KIAA1217: variants seen among roughly 807,000 people sequenced by gnomAD.
The protein encoded by KIAA1217 is KIAA1217, also known as sickle tail protein homolog.
In KIAA1217, 88 loss-of-function variants were observed where a neutral mutation model predicts 163.9. That is an observed-to-expected ratio of 0.54 (90% confidence interval 0.45 to 0.64). KIAA1217 has a LOEUF of 0.64. KIAA1217 is among the 30% of genes least tolerant of loss of function. The pLI, the probability that KIAA1217 is intolerant of heterozygous loss-of-function variation, is 0.00. For synonymous variants in KIAA1217, 903 were observed against 923.1 expected, an observed-to-expected ratio of 0.98 and a Z score of 0.39; for missense variants, 2,372 against 2,475.0, an observed-to-expected ratio of 0.96 and a Z score of 0.88.
chr10:24,399,558 C>T (rs1457068743), intron 3 of KIAA1217, among the ~76,000 whole-genome samples: 1 of 152,142 alleles, frequency 6.6e-6, no homozygotes, highest in Non-Finnish European at 1.5e-5. Context: ...TATCTTAGAT[C>T]CCATCTCTAA....
At chr10:24,234,656 CAAAAAAAAAAAA>C (rs71397938) in intron 2 of KIAA1217, among the ~76,000 whole-genome samples, 10 of 73,386 alleles carry the variant, frequency 1.4e-4, no homozygotes, top group African/African-American at 3.6e-4. Context: ...AAAACTGTCT[CAAAAAAAAAAAA>C]AAAAAAAAAA....
At chr10:23,975,818 G>C (rs949331069) in intron 1 of KIAA1217, among the ~76,000 whole-genome samples, 1 of 152,012 alleles carries the variant, frequency 6.6e-6, no homozygotes, top group African/African-American at 2.4e-5. Flanking sequence ...TGTTACAATG[G>C]ACCCCATGTG....
At chr10:24,482,503 G>C (rs564874954) in intron 6 of KIAA1217, 1 of 152,204 alleles carries the variant, frequency 6.6e-6, no homozygotes, top group South Asian at 2.1e-4. Context: ...AAGATGGATC[G>C]TCAAAATAGC....
intron 2 of KIAA1217, among the ~76,000 whole-genome samples, chr10:24,220,267 C>A (rs767057868): frequency 6.6e-6 from 1 of 152,124 alleles, no homozygotes; most frequent in Admixed American, 6.6e-5. Flanking sequence ...AAGCATGGCA[C>A]CAACTACCGT....
intron 2 of KIAA1217, among the ~76,000 whole-genome samples, chr10:24,146,444 A>G (rs2064316138): frequency 6.6e-6 from 1 of 152,230 alleles, no homozygotes; most frequent in East Asian, 1.9e-4. Flanking sequence ...CAATTTAATT[A>G]TCATCAAGCA....
chr10:24,480,462 G>T (rs879268166), intron 6 of KIAA1217, among the ~76,000 whole-genome samples: 1 of 152,130 alleles, frequency 6.6e-6, no homozygotes, highest in Non-Finnish European at 1.5e-5. Flanking sequence ...AGAGTGCCTG[G>T]GTTCAAATCC....
chr10:23,916,902 T>G (rs1056186126), intron 1 of KIAA1217, among the ~76,000 whole-genome samples: 1 of 146,130 alleles, frequency 6.8e-6, no homozygotes. Flanking sequence ...AAACAGGGAG[T>G]TGGAGGTTGC....
chr10:23,891,450 C>A (rs1027307204), intron 1 of KIAA1217, among the ~76,000 whole-genome samples: 1 of 151,908 alleles, frequency 6.6e-6, no homozygotes, highest in African/African-American at 2.4e-5. Flanking sequence ...GACACTCTGG[C>A]AGCTCTCTTG....
intron 1 of KIAA1217, among the ~76,000 whole-genome samples, chr10:23,775,637 G>T (rs1173461713): frequency 6.6e-6 from 1 of 152,144 alleles, no homozygotes; most frequent in Non-Finnish European, 1.5e-5. Context: ...TTATCCCTTT[G>T]TCTAAATTGA....
At chr10:24,261,044 A>G (rs1042557114) in intron 2 of KIAA1217, among the ~76,000 whole-genome samples, 1 of 152,208 alleles carries the variant, frequency 6.6e-6, no homozygotes, top group Non-Finnish European at 1.5e-5. Flanking sequence ...CTGAATGTCA[A>G]TTCTAGGTAA....
At chr10:24,162,576 T>A (rs1346128501) in intron 2 of KIAA1217, among the ~76,000 whole-genome samples, 1 of 152,238 alleles carries the variant, frequency 6.6e-6, no homozygotes, top group East Asian at 1.9e-4. Flanking sequence ...GTACCTGGGA[T>A]GATTTCAAGG....
At chr10:23,895,187 C>G (rs770047794) in intron 1 of KIAA1217, among the ~76,000 whole-genome samples, 1 of 152,014 alleles carries the variant, frequency 6.6e-6, no homozygotes, top group East Asian at 1.9e-4. Context: ...AAGAAACTAC[C>G]ATCAGAGTGA....
rs61161854 is a variant in KIAA1217, at chr10:23,790,673, T to G, written c.-321+95439T>G. On this transcript the variant is annotated intron_variant, in intron 1 of 18. Coordinates refer to the KIAA1217 transcript ENST00000376462. Reference sequence around the variant, plus strand: ...TGTGTATATATATACATATATATCATATATATAATATGTATGTATATATAC... The same window carrying G: ...TGTGTATATATATACATATATATCAGATATATAATATGTATGTATATATAC... Among the ~76,000 whole-genome samples, 5 of 125,396 alleles carry G rather than the reference T, an allele frequency of 4.0e-5. No homozygotes were observed. In the East Asian group the frequency reaches 1.0e-3, roughly 25 times the overall value. The allele number at this position is 125,396 out of a possible 152,430, so 82.3% of individuals were successfully genotyped here. A position where few individuals can be genotyped will look rare whatever the true frequency, so the allele number is the denominator to read the frequency against.
At position 24,536,857 on chromosome 10, in the gene KIAA1217, T is replaced by A; in HGVS notation, c.3498T>A (p.Thr1166=). Reference sequence around the variant, plus strand: ...GGGCTGACAGTCACGTTAAAGACACTAGGTCGGGCGCCACAGTGCCACCCA... The same window carrying A: ...GGGCTGACAGTCACGTTAAAGACACAAGGTCGGGCGCCACAGTGCCACCCA... ...PSRADSHVKD[T]RSGATVPPKE... is the part of the protein sequence containing the mutation. Residue 1166 remains threonine, a synonymous_variant, in exon 17 of 21, where the codon ACT becomes ACA. Coordinates refer to ENST00000376454, the MANE Select transcript of KIAA1217 (RefSeq NM_019590.5). The A allele has an allele frequency of 6.2e-7, 1 of 1,614,032 alleles. No individual in the cohort carries two copies.
intron 1 of KIAA1217, among the ~76,000 whole-genome samples, chr10:23,846,318 C>T (rs560382574): frequency 4.6e-5 from 7 of 151,954 alleles, no homozygotes; most frequent in South Asian, 2.1e-4. Context: ...TAAATTACTT[C>T]GAGCACTATG....
At chr10:24,012,289 C>A (rs969537372) in intron 2 of KIAA1217, among the ~76,000 whole-genome samples, 1 of 152,064 alleles carries the variant, frequency 6.6e-6, no homozygotes, top group African/African-American at 2.4e-5. Flanking sequence ...GAAAACCAAG[C>A]CAGGTAAACC....
chr10:23,905,158 T>A (rs914888923), intron 1 of KIAA1217, among the ~76,000 whole-genome samples: 1 of 129,840 alleles, frequency 7.7e-6, no homozygotes, highest in African/African-American at 3.0e-5. Flanking sequence ...GCCTGTCATC[T>A]GAAACTAAAG....
intron 3 of KIAA1217, among the ~76,000 whole-genome samples, chr10:24,413,381 A>G (rs1591726377): frequency 6.6e-6 from 1 of 152,156 alleles, no homozygotes; most frequent in East Asian, 1.9e-4. Flanking sequence ...CATATTGGTC[A>G]GGCTGGTCTC....
intron 1 of KIAA1217, among the ~76,000 whole-genome samples, chr10:23,881,182 T>C (rs1452790029): frequency 4.6e-5 from 7 of 151,940 alleles, no homozygotes; most frequent in Non-Finnish European, 8.8e-5. Context: ...GGTAAACACA[T>C]TTCTTACTGA....
Sources: gnomAD v4.1 joint callset for allele counts (sites outside exome capture counted in the v4.1 genomes callset) on GRCh38, gnomAD v4.1.1 for gene constraint, MANE v1.5 for transcripts, NCBI Gene and HGNC (gene_info 2026-07-23, HGNC 2026-07-21) for gene names.